STK11IP: variants seen among roughly 807,000 people sequenced by gnomAD.
STK11IP encodes serine/threonine kinase 11 interacting protein.
STK11IP carries 103 observed loss-of-function variants against 131.7 expected under a neutral mutation model. That is an observed-to-expected ratio of 0.78 (90% CI 0.67 to 0.92). The LOEUF is 0.92. Among genes scored for constraint, STK11IP ranks in the 40% least tolerant of loss-of-function variants. The pLI is 0.00. For synonymous variants in STK11IP, 557 were observed against 575.6 expected (o/e 0.97, Z 0.46); for missense variants, 1,315 against 1,385.7 (o/e 0.95, Z 0.81).
Position 219,602,071 on chromosome 2 carries a change from C to A in STK11IP, c.426C>A (p.Leu142=), listed in dbSNP as rs756086776. The change falls in exon 5 of 25, where the codon CTC becomes CTA. Residue 142 remains leucine, a synonymous_variant. Transcript: ENST00000456909. The part of the protein sequence containing the change: ...QLETLICSRS[L]QALEELLSAC... ...AGACCCTGATTTGCAGCAGGAGCCTCCAGGCATTAGAGGTAAGGAGAGTGA... is the reference window on the plus strand; with the variant it reads ...AGACCCTGATTTGCAGCAGGAGCCTACAGGCATTAGAGGTAAGGAGAGTGA... 1 of 1,605,090 alleles carries A rather than the reference C, an allele frequency of 6.2e-7. No homozygotes were observed. Among genetic ancestry groups the A allele is most frequent in the Non-Finnish European group, 8.5e-7 (1 of 1,175,840 alleles).
rs183764781 is a variant in STK11IP at position 219,601,994 on chromosome 2, G to A, written c.349G>A (p.Gly117Ser). The A allele has an allele frequency of 1.3e-4, 211 of 1,610,622 alleles. 1 individual carries two copies. In the African/African-American group the frequency reaches 2.4e-3, roughly 18 times the overall value. ...FKSLRHLELR[G>S]VPLHCLHGLR... Reference sequence around the variant, plus strand: ...TCCTCTTTCCTTGTCCCAGCTCCGAGGTGTTCCCCTCCACTGTCTGCATGG... The same window carrying A: ...TCCTCTTTCCTTGTCCCAGCTCCGAAGTGTTCCCCTCCACTGTCTGCATGG... Residue 117 changes from glycine to serine, a missense_variant, in exon 5 of 25, where the codon GGT becomes AGT. Transcript: ENST00000456909.
intron 3 of STK11IP, 38 bp downstream of exon 3, chr2:219,601,478 C>G (rs1697981499): frequency 1.2e-6 from 2 of 1,604,776 alleles, no homozygotes; most frequent in African/African-American, 1.3e-5. Context: ...GTGCAAGGAG[C>G]CCAAGAGAAT....
At chr2:219,600,059 G>GTTTTTTTTTTT (rs57060581) in intron 2 of STK11IP, among the ~76,000 whole-genome samples, 8 of 91,700 alleles carry the variant, frequency 8.7e-5, no homozygotes, top group Non-Finnish European at 1.3e-4. Context: ...TTTTGTTTTT[G>GTTTTTTTTTTT]TTTTTTTTTT....
Position 219,616,165 on chromosome 2 carries a change from T to C in STK11IP, c.3239T>C (p.Ile1080Thr). The C allele has an allele frequency of 6.2e-7, 1 of 1,613,670 alleles. No individual in the cohort carries two copies. Among genetic ancestry groups the C allele is most frequent in the African/African-American group, 1.3e-5 (1 of 75,048 alleles). The change falls in exon 25 of 25, where the codon ATC becomes ACC. Residue 1080 changes from isoleucine (I) to threonine (T), a missense_variant. Coordinates refer to ENST00000456909, the MANE Select transcript of STK11IP (RefSeq NM_052902.4). ...ELFSIGLRTVIQEALALDR is the reference protein window; with the variant it reads ...ELFSIGLRTVTQEALALDR ...TTTTCCATCGGACTCCGGACAGTGATCCAAGAGGCGCTGGCCCTTGACCGA... is the reference window on the plus strand; with the variant it reads ...TTTTCCATCGGACTCCGGACAGTGACCCAAGAGGCGCTGGCCCTTGACCGA...
At chr2:219,598,724 T>G (rs1697881986) in intron 2 of STK11IP, among the ~76,000 whole-genome samples, 2 of 152,240 alleles carry the variant, frequency 1.3e-5, no homozygotes, top group South Asian at 4.1e-4. Context: ...AGTTGGGAGC[T>G]ATTGTTATTG....
chr2:219,611,479 T>G, intron 17 of STK11IP, 125 bp from the exon 18 acceptor site: 1 of 788,672 alleles, frequency 1.3e-6, no homozygotes, highest in Non-Finnish European at 2.2e-6. Flanking sequence ...GCGCGGTGGT[T>G]GTGTATGAAG....
rs539325942 is a variant in STK11IP, at chr2:219,600,177, C to G, written c.62-1058C>G. ...TCCTGGCTTCCAGCTGTTCTCTGGC[C>G]TCAGCCCCTCGAGTAGCTGGGATTA... On this transcript the variant is annotated intron_variant, in intron 2 of 24. Transcript: ENST00000456909. Among the ~76,000 whole-genome samples the G allele has an allele frequency of 2.0e-5, 3 of 151,742 alleles. No homozygotes were observed. The East Asian group carries it at 5.8e-4, about 29-fold the overall frequency.
chr2:219,608,784 C>T lies in STK11IP; in HGVS notation c.1805C>T (p.Pro602Leu), dbSNP rs747045150. 2.5e-6 allele frequency: 4 copies of T among 1,601,062 alleles called. No homozygotes were observed. Among genetic ancestry groups the T allele is most frequent in the Non-Finnish European group, 2.6e-6 (3 of 1,174,726 alleles). ...PEAQAQRSPRPTGSDLLPGAP... is the reference protein window; with the variant it reads ...PEAQAQRSPRLTGSDLLPGAP... ...GCCCAGGCCCAGAGGTCGCCCAGGC[C>T]CACGGTGAGTGGGGCGTGGCAGGGT... The change falls in exon 15 of 25, where the codon CCC becomes CTC. Residue 602 changes from proline to leucine, a missense_variant. Pro to Leu is a moderately conservative substitution (Grantham distance 98). Transcript: ENST00000456909.
At position 219,613,919 on chromosome 2, in the gene STK11IP, A is replaced by G. The variant is rs1574632686; in HGVS notation, c.2705A>G (p.Glu902Gly). 7.5e-7 allele frequency: 1 copy of G among 1,328,438 alleles called. No individual in the cohort carries two copies. Among genetic ancestry groups the G allele is most frequent in the Non-Finnish European group, 9.9e-7 (1 of 1,007,598 alleles). 82.3% of individuals were successfully genotyped at this position (1,328,438 alleles called of 1,614,324 possible). A position where few individuals can be genotyped will look rare whatever the true frequency, so the allele number is the denominator to read the frequency against. Reference sequence around the variant, plus strand: ...GCCAGGCATTGCCGGGCCTTCCTAGAGGAGCTCCTTGGTGAGAGAGGGGAG... The same window carrying G: ...GCCAGGCATTGCCGGGCCTTCCTAGGGGAGCTCCTTGGTGAGAGAGGGGAG... ...RDARHCRAFL[E>G]ELLDVLQSLP... Residue 902 changes from glutamate (E) to glycine (G), a missense_variant, in exon 21 of 25, where the codon GAG becomes GGG. Coordinates refer to ENST00000456909, the MANE Select transcript of STK11IP (RefSeq NM_052902.4).
chr2:219,612,895 G>A (rs900799664), intron 19 of STK11IP, among the ~76,000 whole-genome samples: 23 of 152,202 alleles, frequency 1.5e-4, no homozygotes, highest in Non-Finnish European at 2.8e-4. Flanking sequence ...CGTGGAGGGG[G>A]TGAGGCGACA....
rs762374709 is a variant in STK11IP, at chr2:219,598,085, C to A, written c.-26-9C>A. ...CTGAGGCTCTTCCGCTTCCTCTTTC[C>A]CCCCCCAGGCTCCGCCCCCCAGCGT... On this transcript the variant is annotated splice_polypyrimidine_tract_variant and intron_variant, in intron 1 of 24. Coordinates refer to ENST00000456909, the MANE Select transcript of STK11IP (RefSeq NM_052902.4). 7 of 1,578,776 alleles carry A rather than the reference C, an allele frequency of 4.4e-6. No homozygotes were observed. Among genetic ancestry groups the A allele is most frequent in the East Asian group, 2.4e-5 (1 of 41,494 alleles).
intron 14 of STK11IP, 62 bp from the exon 15 acceptor site, chr2:219,608,521 G>T (rs1030324720): frequency 5.8e-6 from 9 of 1,541,414 alleles, no homozygotes; most frequent in Non-Finnish European, 7.9e-6. Flanking sequence ...GGCCAGTTCG[G>T]GGGAGGGCAG....
intron 6 of STK11IP, 30 bp downstream of exon 6, chr2:219,602,605 A>T (rs1375276779): frequency 6.2e-7 from 1 of 1,612,158 alleles, no homozygotes. Context: ...GAGGGTTTCG[A>T]GGAAGGGCAA....
chr2:219,606,484 C>T lies in STK11IP; in HGVS notation c.954C>T (p.Leu318=), dbSNP rs761533995. ...TTTTTGTCTTTGCTCAGTTCCTTCTCGATGGCAAGGTCTTGTCACTGACAG... is the reference window on the plus strand; with the variant it reads ...TTTTTGTCTTTGCTCAGTTCCTTCTTGATGGCAAGGTCTTGTCACTGACAG... ...RARDAATGFL[L]DGKVLSLTDF... is the part of the protein sequence containing the mutation. Residue 318 remains leucine (L), a synonymous_variant, in exon 11 of 25, where the codon CTC becomes CTT. Coordinates refer to ENST00000456909, the MANE Select transcript of STK11IP (RefSeq NM_052902.4). 7.4e-6 allele frequency: 12 copies of T among 1,612,062 alleles called. No homozygotes were observed. Among genetic ancestry groups the T allele is most frequent in the Non-Finnish European group, 1.0e-5 (12 of 1,179,080 alleles).
In STK11IP at chr2:219,613,373, AG is replaced by A. The variant is rs1274061294; in HGVS notation, c.2537+154del. The A allele has an allele frequency of 7.0e-3, 118 of 16,886 alleles. 7 individuals carry two copies. Among genetic ancestry groups the A allele is most frequent in the Admixed American group, 0.011 (17 of 1,526 alleles). 1.0% of individuals were successfully genotyped at this position (16,886 alleles called of 1,614,324 possible). A position where few individuals can be genotyped will look rare whatever the true frequency, so the allele number is the denominator to read the frequency against. ...GTTAAGGGGGGAGATGGGGTGAGTG[AG>A]GGGGGAGATGGGGTGAGAGAAGGGG... is the stretch of plus-strand genomic sequence containing the variant. On this transcript the variant is annotated intron_variant, in intron 20 of 24. Transcript: ENST00000456909.
At chr2:219,609,736 T>C in intron 17 of STK11IP, 196 bp downstream of exon 17, 1 of 529,836 alleles carries the variant, frequency 1.9e-6, no homozygotes, top group Non-Finnish European at 3.1e-6. Context: ...AAGAAGAAAC[T>C]ATATCCTGTT....
chr2:219,603,479 A>T (rs1309507881), intron 7 of STK11IP, among the ~76,000 whole-genome samples: 3 of 152,020 alleles, frequency 2.0e-5, no homozygotes, highest in Non-Finnish European at 4.4e-5. Context: ...TCCACCTGTC[A>T]GAGATAAAGC....
chr2:219,609,742 CTG>C, intron 17 of STK11IP: 5 of 479,046 alleles, frequency 1.0e-5, no homozygotes, highest in East Asian at 6.9e-5. Flanking sequence ...AAACTATATC[CTG>C]TTTTTTTTTT....
At chr2:219,610,425 C>T (rs556066048) in intron 17 of STK11IP, among the ~76,000 whole-genome samples, 111 of 150,914 alleles carry the variant, frequency 7.4e-4, no homozygotes, top group Middle Eastern at 3.4e-3. Context: ...TTTTTTGAGA[C>T]GGAGTCTCGC....
Sources: gnomAD v4.1 joint callset for allele counts (sites outside exome capture counted in the v4.1 genomes callset) on GRCh38, gnomAD v4.1.1 for gene constraint, MANE v1.5 for transcripts, NCBI Gene and HGNC (gene_info 2026-07-23, HGNC 2026-07-21) for gene names.